The following MYH15 variants were observed in gnomAD, a reference collection of about 807,000 sequenced individuals.
MYH15 encodes the protein myosin-15.
In MYH15, 227 loss-of-function variants were observed where a neutral mutation model predicts 240.5. The observed-to-expected ratio is 0.94, with a 90% CI of 0.85 to 1.05. The LOEUF (loss-of-function observed/expected upper bound fraction) is 1.05. Ranked by LOEUF, MYH15 falls within the 50% of genes least tolerant of loss-of-function variation. The pLI, the probability that MYH15 is intolerant of heterozygous loss-of-function variation, is 0.00. For synonymous variants in MYH15, 785 were observed against 796.7 expected, an observed-to-expected ratio of 0.99 and a Z score of 0.25; for missense variants, 2,217 against 2,247.5, an observed-to-expected ratio of 0.99 and a Z score of 0.27.
At chr3:108,406,883 G>T (rs572950166) in intron 32 of MYH15, among the ~76,000 whole-genome samples, 1 of 152,284 alleles carries the variant, frequency 6.6e-6, no homozygotes, top group South Asian at 2.1e-4. Flanking sequence ...GGACATAAAT[G>T]GCCCGTGCCA....
At chr3:108,416,567 C>T (rs540493048) in intron 29 of MYH15, among the ~76,000 whole-genome samples, 2 of 152,210 alleles carry the variant, frequency 1.3e-5, no homozygotes, top group South Asian at 2.1e-4. Context: ...CCCTTCTGTT[C>T]AAGTACTTAT....
chr3:108,417,438 T>C (rs927731264), intron 28 of MYH15, among the ~76,000 whole-genome samples: 2 of 152,212 alleles, frequency 1.3e-5, no homozygotes, highest in Non-Finnish European at 2.9e-5. Context: ...TCTGTCTATA[T>C]AATTTTTAGA....
chr3:108,382,506 A>G (rs1479198995), intron 40 of MYH15, among the ~76,000 whole-genome samples: 2 of 152,192 alleles, frequency 1.3e-5, no homozygotes, highest in Non-Finnish European at 2.9e-5. Context: ...TCATTTGTAT[A>G]AAATAATCAG....
At chr3:108,382,600 T>C (rs913447355) in intron 40 of MYH15, among the ~76,000 whole-genome samples, 5 of 152,044 alleles carry the variant, frequency 3.3e-5, no homozygotes, top group African/African-American at 1.2e-4. Flanking sequence ...AGTAGACACA[T>C]GTGTGACTTT....
At position 108,486,516 on chromosome 3, in the gene MYH15, C is replaced by T; in HGVS notation, c.882G>A (p.Leu294=). ...GGAAGTCTGAGGGATTTGCAGATAC[C>T]AGGAGCAGGTCTAGAGTGGGAAAAC... ...SGQKELHDLL[L]VSANPSDFHF... Residue 294 remains leucine, a synonymous_variant, in exon 10 of 41, where the codon CTG becomes CTA. Coordinates refer to ENST00000693548, the MANE Select transcript of MYH15 (RefSeq NM_014981.3). 6.2e-7 allele frequency: 1 copy of T among 1,609,836 alleles called. No homozygotes were observed. Among genetic ancestry groups the T allele is most frequent in the Non-Finnish European group, 8.5e-7 (1 of 1,176,856 alleles).
At chr3:108,455,681 A>G in intron 20 of MYH15, 55 bp downstream of exon 20, 1 of 1,581,660 alleles carries the variant, frequency 6.3e-7, no homozygotes, top group Non-Finnish European at 8.7e-7. Flanking sequence ...ATTTTAAGAT[A>G]CACAGTCTTC....
intron 14 of MYH15, among the ~76,000 whole-genome samples, chr3:108,468,775 CT>C (rs1442574912): frequency 6.6e-6 from 1 of 152,198 alleles, no homozygotes; most frequent in Non-Finnish European, 1.5e-5. Flanking sequence ...TTGTCAGGAT[CT>C]GAACAATGTC....
At chr3:108,437,522 AG>A (rs1269992641) in intron 25 of MYH15, 31 bp downstream of exon 25, 1 of 1,601,424 alleles carries the variant, frequency 6.2e-7, no homozygotes, top group African/African-American at 1.3e-5. Flanking sequence ...TAAGGTCTCC[AG>A]CAATCTCATG....
At chr3:108,450,537 G>A (rs2082963289) in intron 21 of MYH15, among the ~76,000 whole-genome samples, 1 of 152,154 alleles carries the variant, frequency 6.6e-6, no homozygotes, top group South Asian at 2.1e-4. Context: ...GTTACCAGCA[G>A]CCAGGGCATG....
intron 38 of MYH15, among the ~76,000 whole-genome samples, chr3:108,385,380 G>A (rs545782326): frequency 6.6e-6 from 1 of 152,310 alleles, no homozygotes; most frequent in South Asian, 2.1e-4. Context: ...TGCGGAGATA[G>A]CAAGGAAGAT....
At chr3:108,531,816 A>ATAC, upstream of MYH15, among the ~76,000 whole-genome samples, 1 of 151,528 alleles carries the variant, frequency 6.6e-6, no homozygotes, top group African/African-American at 2.4e-5. Context: ...ACATAAATAA[A>ATAC]ATAAAAATAA....
At chr3:108,538,369 C>T in the MYH15 span, among the ~76,000 whole-genome samples, 1 of 152,190 alleles carries the variant, frequency 6.6e-6, no homozygotes, top group South Asian at 2.1e-4. Context: ...GAAATCCTGC[C>T]TGATCAATGA....
chr3:108,505,107 T>A (rs1462888137), intron 2 of MYH15, among the ~76,000 whole-genome samples: 1 of 152,234 alleles, frequency 6.6e-6, no homozygotes, highest in Admixed American at 6.5e-5. Context: ...AAGTCATTAT[T>A]CACCCCACAG....
chr3:108,475,697 A>T (rs542320947), intron 12 of MYH15, among the ~76,000 whole-genome samples: 1 of 152,304 alleles, frequency 6.6e-6, no homozygotes, highest in Non-Finnish European at 1.5e-5. Context: ...CTGAGATTTT[A>T]GTGTGTGTGC....
chr3:108,462,630 T>C (rs2083081316), intron 16 of MYH15, among the ~76,000 whole-genome samples: 1 of 152,056 alleles, frequency 6.6e-6, no homozygotes, highest in African/African-American at 2.4e-5. Flanking sequence ...CAGAATAGAA[T>C]GCCTGTTAAA....
intron 21 of MYH15, among the ~76,000 whole-genome samples, chr3:108,449,485 G>A (rs952424826): frequency 6.6e-6 from 1 of 152,022 alleles, no homozygotes; most frequent in African/African-American, 2.4e-5. Flanking sequence ...ACACAGTATG[G>A]AAAGGACAGT....
At chr3:108,463,624 GCC>G (rs1283334241) in intron 15 of MYH15, among the ~76,000 whole-genome samples, 1 of 152,136 alleles carries the variant, frequency 6.6e-6, no homozygotes, top group Non-Finnish European at 1.5e-5. Context: ...GAGCCACCAT[GCC>G]CAGCCTTTGC....
At chr3:108,458,554 T>C (rs946763675) in intron 18 of MYH15, among the ~76,000 whole-genome samples, 5 of 152,076 alleles carry the variant, frequency 3.3e-5, no homozygotes, top group Admixed American at 1.3e-4. Context: ...CATCTGGCTA[T>C]GTATTATAAG....
At position 108,421,238 on chromosome 3, in the gene MYH15, G is replaced by T. The variant is rs377067945; in HGVS notation, c.3703-24C>A. The T allele has an allele frequency of 1.4e-5, 23 of 1,605,958 alleles. No individual in the cohort carries two copies. In the African/African-American group the frequency reaches 2.7e-4, roughly 19 times the overall value. On this transcript the variant is annotated intron_variant, in intron 27 of 40. Transcript: ENST00000693548. ...GCCTATAAGTTGAGAAAGAAGGGCT[G>T]GTCAGGGCTCACAGAGGATACTCTG...
Sources: gnomAD v4.1 joint callset for allele counts (sites outside exome capture counted in the v4.1 genomes callset) on GRCh38, gnomAD v4.1.1 for gene constraint, MANE v1.5 for transcripts, NCBI Gene and HGNC (gene_info 2026-07-23, HGNC 2026-07-21) for gene names.